The following ASB9 variants were observed in gnomAD, a reference collection of about 807,000 sequenced individuals.
ASB9 encodes the protein ankyrin repeat and SOCS box protein 9.
ASB9 carries 5 observed loss-of-function variants against 16.6 expected under a neutral mutation model. The ratio of observed to expected loss-of-function variants is 0.30; its 90% CI spans 0.16 to 0.63. The LOEUF (loss-of-function observed/expected upper bound fraction) is 0.63. Ranked by LOEUF, ASB9 falls within the 30% of genes least tolerant of loss-of-function variation. The probability of loss-of-function intolerance (pLI) is 0.82; values close to 1 mark genes in which losing one functional copy is unlikely to be tolerated. For synonymous variants in ASB9, 100 were observed against 86.4 expected (o/e 1.16, Z -0.87); for missense variants, 216 against 229.4 (o/e 0.94, Z 0.38).
At chrX:15,259,191 AG>A (rs1281535404) in intron 1 of ASB9, 7 of 296,019 alleles carry the variant, frequency 2.4e-5, no homozygotes, top group African/African-American at 5.3e-5. Context: ...AGGACAAAAG[AG>A]GTGGATTGGG....
chrX:15,253,554 C>T (rs886361316), intron 3 of ASB9, among the ~76,000 whole-genome samples: 2 of 111,078 alleles, frequency 1.8e-5, no homozygotes, highest in Admixed American at 9.5e-5. Context: ...GAGCTGAGTT[C>T]GTGCCACTGT....
chrX:15,266,936 A>ACAAAT, intron 1 of ASB9, among the ~76,000 whole-genome samples: 1 of 14,617 alleles, frequency 6.8e-5, no homozygotes, highest in Non-Finnish European at 1.2e-4. Flanking sequence ...ACTCCATCTC[A>ACAAAT]AAAAAAAAAA....
At chrX:15,252,590 C>T in intron 3 of ASB9, among the ~76,000 whole-genome samples, 186 bp from the exon 4 acceptor site, 1 of 112,107 alleles carries the variant, frequency 8.9e-6, no homozygotes, top group Middle Eastern at 4.7e-3. Flanking sequence ...GGCTATAAAG[C>T]ATCGAAAATG....
At chrX:15,262,620 T>C (rs1287223401) in intron 1 of ASB9, among the ~76,000 whole-genome samples, 3 of 112,947 alleles carry the variant, frequency 2.7e-5, no homozygotes, top group Non-Finnish European at 5.6e-5. Context: ...TTAACATTTT[T>C]CTTTGTGTGT....
chrX:15,244,478 C>A lies in ASB9; in HGVS notation c.*28G>T, dbSNP rs761011529. 1.7e-6 allele frequency: 2 copies of A among 1,174,909 alleles called. No individual in the cohort carries two copies. Among genetic ancestry groups the A allele is most frequent in the South Asian group, 1.8e-5 (1 of 55,595 alleles). On this transcript the variant is annotated 3_prime_UTR_variant, in exon 7 of 7. Coordinates refer to ENST00000380488, the MANE Select transcript of ASB9 (RefSeq NM_001031739.3). ...ACAACACTCAATAATGTTTTCACAT[C>A]GTTTGTGAATCCATTCCCTAGATGC...
chrX:15,258,359 T>C (rs1335321524), intron 2 of ASB9, among the ~76,000 whole-genome samples: 5 of 112,336 alleles, frequency 4.5e-5, no homozygotes, highest in African/African-American at 1.6e-4. Context: ...TCTAATTTTA[T>C]CTGAGAAGTA....
chrX:15,253,817 T>C (rs1375522248), intron 3 of ASB9, among the ~76,000 whole-genome samples: 1 of 111,670 alleles, frequency 9.0e-6, no homozygotes, highest in Non-Finnish European at 1.9e-5. Context: ...GGTGAATCTT[T>C]TAAGCAATGA....
chrX:15,258,424 G>A (rs1362257777), intron 2 of ASB9, among the ~76,000 whole-genome samples: 1 of 111,921 alleles, frequency 8.9e-6, no homozygotes, highest in Non-Finnish European at 1.9e-5. Flanking sequence ...ATAGACTGCT[G>A]CTACCAAAAA....
chrX:15,265,376 C>G (rs1195080400), intron 1 of ASB9, among the ~76,000 whole-genome samples: 1 of 112,249 alleles, frequency 8.9e-6, no homozygotes, highest in Non-Finnish European at 1.9e-5. Context: ...GGCTTGAGAA[C>G]CTTATAATTT....
chrX:15,244,692 T>TGAA (rs1555928268), intron 6 of ASB9, 62 bp from the exon 7 acceptor site: 1 of 970,407 alleles, frequency 1.0e-6, no homozygotes, highest in Non-Finnish European at 1.4e-6. Flanking sequence ...TCCTTTTTTT[T>TGAA]AAAAAAAAAA....
rs34454817 is a variant in ASB9 at position 15,266,935 on chromosome X, C to CA, written c.94+2845dup. On this transcript the variant is annotated intron_variant, in intron 1 of 6. Transcript: ENST00000380488. ...TGGGCGACAGAGCGAGACTCCATCT[C>CA]AAAAAAAAAAAAAAAAAAGAAAAAG... Among the ~76,000 whole-genome samples, 511 of 78,290 alleles carry CA rather than the reference C, an allele frequency of 6.5e-3. 1 individual carries two copies. The highest frequency in any genetic ancestry group is 0.015 in the African/African-American group (325 of 21,144). 68.0% of individuals were successfully genotyped at this position (78,290 alleles called of 115,157 possible).
intron 6 of ASB9, among the ~76,000 whole-genome samples, chrX:15,247,853 C>T (rs1924793110): frequency 8.9e-6 from 1 of 112,118 alleles, no homozygotes; most frequent in Non-Finnish European, 1.9e-5. Flanking sequence ...AGGGACTTGA[C>T]TGCAAGTACC....
chrX:15,244,493 T>G lies in ASB9; in HGVS notation c.*13A>C, dbSNP rs762181579. On this transcript the variant is annotated 3_prime_UTR_variant, in exon 7 of 7. Coordinates refer to ENST00000380488, the MANE Select transcript of ASB9 (RefSeq NM_001031739.3). ...GTTTTCACATCGTTTGTGAATCCAT[T>G]CCCTAGATGCATTTAAAGATGTAGG... 22 of 1,190,121 alleles carry G rather than the reference T, an allele frequency of 1.8e-5. No homozygotes were observed. Among genetic ancestry groups the G allele is most frequent in the Non-Finnish European group, 2.5e-5 (22 of 876,870 alleles).
At chrX:15,253,799 G>A (rs1925323735) in intron 3 of ASB9, among the ~76,000 whole-genome samples, 1 of 111,641 alleles carries the variant, frequency 9.0e-6, no homozygotes, top group Admixed American at 9.6e-5. Flanking sequence ...ATCATTAAAT[G>A]ATTATCTGGT....
At position 15,265,210 on chromosome X, in the gene ASB9, T is replaced by C. The variant is rs73635070; in HGVS notation, c.94+4571A>G. Among the ~76,000 whole-genome samples, 675 of 111,584 alleles carry C rather than the reference T, an allele frequency of 6.0e-3. 5 individuals are homozygous for C. Among genetic ancestry groups the C allele is most frequent in the African/African-American group, 0.021 (658 of 30,644 alleles). On this transcript the variant is annotated intron_variant, in intron 1 of 6. Coordinates refer to ENST00000380488, the MANE Select transcript of ASB9 (RefSeq NM_001031739.3). Reference sequence around the variant, plus strand: ...CTGGCTTCTAACCTGTGATCGTTCCTAAGTCTCAGTCCCATGTCATCATAC... The same window carrying C: ...CTGGCTTCTAACCTGTGATCGTTCCCAAGTCTCAGTCCCATGTCATCATAC...
chrX:15,251,988 C>T (rs1167055007), intron 4 of ASB9, among the ~76,000 whole-genome samples: 3 of 111,893 alleles, frequency 2.7e-5, no homozygotes, highest in Non-Finnish European at 5.6e-5. Context: ...GGGAGGCACT[C>T]AAACTTACTG....
At chrX:15,248,529 T>C (rs1345650634) in intron 6 of ASB9, 1 of 356,681 alleles carries the variant, frequency 2.8e-6, no homozygotes, top group East Asian at 2.1e-4. Flanking sequence ...CAAAAACCTG[T>C]ATCCAATATG....
At position 15,252,381 on chromosome X, in the gene ASB9, C is replaced by G. The variant is rs1280689782; in HGVS notation, c.306G>C (p.Trp102Cys). The G allele has an allele frequency of 1.1e-5, 13 of 1,203,716 alleles. No individual in the cohort carries two copies. The highest frequency in any genetic ancestry group is 1.5e-5 in the Non-Finnish European group (13 of 892,753). Residue 102 changes from tryptophan to cysteine, a missense_variant, in exon 4 of 7, where the codon TGG (tryptophan) becomes TGC (cysteine). Physicochemically the swap from Trp to Cys is radical, Grantham distance 215. Coordinates refer to ENST00000380488, the MANE Select transcript of ASB9 (RefSeq NM_001031739.3). ...GAQVNGVTAD[W>C]HTPLFNACVS... is the part of the protein sequence containing the mutation. ...CACAAGCATTAAACAGTGGAGTGTG[C>G]CAGTCTGCTGTCACACCATTCACCT...
At chrX:15,256,747 C>T (rs1925587984) in intron 2 of ASB9, among the ~76,000 whole-genome samples, 1 of 87,403 alleles carries the variant, frequency 1.1e-5, no homozygotes, top group East Asian at 3.6e-4. Flanking sequence ...CACTGCACTC[C>T]AGCCTGGGCG....
Sources: gnomAD v4.1 joint callset for allele counts (sites outside exome capture counted in the v4.1 genomes callset) on GRCh38, gnomAD v4.1.1 for gene constraint, MANE v1.5 for transcripts, NCBI Gene and HGNC (gene_info 2026-07-23, HGNC 2026-07-21) for gene names.